The following CWF19L2 variants were observed in gnomAD, a reference collection of about 807,000 sequenced individuals.
The protein encoded by CWF19L2 is CWF19 like cell cycle control factor 2, also known as CWF19-like protein 2.
A neutral mutation model predicts 111.7 loss-of-function variants in CWF19L2; 98 were observed. The observed-to-expected ratio is 0.88, with a 90% confidence interval of 0.75 to 1.04. The LOEUF (loss-of-function observed/expected upper bound fraction) is 1.04, where lower values mean the gene tolerates loss of function less well. CWF19L2 is among the 50% of genes least tolerant of loss of function. The probability of loss-of-function intolerance (pLI) is 0.00; values close to 1 mark genes in which losing one functional copy is unlikely to be tolerated. For synonymous variants in CWF19L2, 351 were observed against 342.9 expected, an observed-to-expected ratio of 1.02 and a Z score of -0.26; for missense variants, 1,101 against 1,051.4, an observed-to-expected ratio of 1.05 and a Z score of -0.65.
At chr11:107,388,124 G>T (rs879476691) in intron 12 of CWF19L2, among the ~76,000 whole-genome samples, 4 of 152,158 alleles carry the variant, frequency 2.6e-5, no homozygotes, top group Admixed American at 2.6e-4. Flanking sequence ...CACCTATATG[G>T]AAAGACTTTC....
chr11:107,395,338 A>G (rs1860907065), intron 10 of CWF19L2, among the ~76,000 whole-genome samples: 1 of 152,208 alleles, frequency 6.6e-6, no homozygotes, highest in Non-Finnish European at 1.5e-5. Flanking sequence ...TGTAAGTCCA[A>G]TTAAACCTCT....
chr11:107,402,869 G>GTA (rs1491324734), intron 10 of CWF19L2, among the ~76,000 whole-genome samples: 7 of 22,016 alleles, frequency 3.2e-4, no homozygotes, highest in Non-Finnish European at 4.4e-4. Context: ...ACAAACTGTG[G>GTA]TGTGTATATA....
intron 10 of CWF19L2, among the ~76,000 whole-genome samples, chr11:107,409,263 A>C (rs992298171): frequency 1.3e-5 from 2 of 152,088 alleles, no homozygotes; most frequent in African/African-American, 4.8e-5. Context: ...ACTTCAAATA[A>C]CTAGTCAAGT....
rs552692035 is a variant in CWF19L2 at position 107,394,215 on chromosome 11, T to C, written c.1618-1320A>G. 2.0e-5 allele frequency among the ~76,000 whole-genome samples: 3 copies of C among 152,270 alleles called. No homozygotes were observed. In the East Asian group the frequency reaches 5.8e-4, roughly 29 times the overall value. On this transcript the variant is annotated intron_variant, in intron 10 of 17. Coordinates refer to ENST00000282251, the MANE Select transcript of CWF19L2 (RefSeq NM_152434.3). ...ATGGAAGAAAAATAATATATACCTA[T>C]TATTGATCTTACATTCACACACAAT...
intron 11 of CWF19L2, among the ~76,000 whole-genome samples, chr11:107,391,006 T>C (rs913626350): frequency 6.6e-6 from 1 of 152,150 alleles, no homozygotes; most frequent in Non-Finnish European, 1.5e-5. Flanking sequence ...CCCTCAAACA[T>C]CAGACTCCAA....
chr11:107,424,739 G>A (rs769295249), intron 8 of CWF19L2, among the ~76,000 whole-genome samples: 1 of 151,826 alleles, frequency 6.6e-6, no homozygotes, highest in Non-Finnish European at 1.5e-5. Flanking sequence ...GAATTAAATT[G>A]TTTATTAGTA....
chr11:107,437,702 C>A (rs371529876), intron 6 of CWF19L2, among the ~76,000 whole-genome samples: 17 of 152,244 alleles, frequency 1.1e-4, no homozygotes, highest in African/African-American at 4.1e-4. Context: ...CTGTTTCAGT[C>A]TGCTAAAAGA....
rs2135435503 is a variant in CWF19L2 at position 107,457,781 on chromosome 11, A to G, written c.36T>C (p.Phe12=). The G allele has an allele frequency of 2.6e-6, 4 of 1,551,762 alleles. No individual in the cohort carries two copies. Among genetic ancestry groups the G allele is most frequent in the South Asian group, 1.2e-5 (1 of 84,068 alleles). ...GCTCTTCGATACTCTTCGCACTTTC[A>G]AATCTACCACTAGCAGCCGCCATAC... is the stretch of plus-strand genomic sequence containing the variant. ...ATSMAAASGR[F]ESAKSIEERK... Residue 12 remains phenylalanine (F), a synonymous_variant, in exon 1 of 18, where the codon TTT becomes TTC. Transcript: ENST00000282251.
At chr11:107,383,652 T>C (rs1165116095) in intron 12 of CWF19L2, among the ~76,000 whole-genome samples, 1 of 152,162 alleles carries the variant, frequency 6.6e-6, no homozygotes, top group Non-Finnish European at 1.5e-5. Flanking sequence ...AAGAAAGATA[T>C]TCTATTAAAG....
intron 3 of CWF19L2, among the ~76,000 whole-genome samples, chr11:107,452,360 TC>T (rs1861789409): frequency 6.6e-6 from 1 of 152,012 alleles, no homozygotes; most frequent in Non-Finnish European, 1.5e-5. Flanking sequence ...AATTTAAAAT[TC>T]CACTCACGAT....
intron 16 of CWF19L2, among the ~76,000 whole-genome samples, chr11:107,330,495 C>T (rs79704175): frequency 0.012 from 1,889 of 152,014 alleles, 23 homozygotes; most frequent in South Asian, 0.038. Context: ...TAATTTTTTA[C>T]GAGCTGGTGA....
At chr11:107,381,265 C>T (rs1322036135) in intron 12 of CWF19L2, among the ~76,000 whole-genome samples, 1 of 152,040 alleles carries the variant, frequency 6.6e-6, no homozygotes, top group Non-Finnish European at 1.5e-5. Context: ...CCATAAAAAA[C>T]CCAACTAGGA....
At chr11:107,368,597 T>C (rs1031035550) in intron 12 of CWF19L2, among the ~76,000 whole-genome samples, 1 of 137,794 alleles carries the variant, frequency 7.3e-6, no homozygotes, top group African/African-American at 2.9e-5. Flanking sequence ...CAGCTGATGA[T>C]GTGTGAGGTG....
At chr11:107,422,107 A>AAAAAGAGT (rs1225587601) in intron 8 of CWF19L2, among the ~76,000 whole-genome samples, 4 of 152,100 alleles carry the variant, frequency 2.6e-5, no homozygotes, top group African/African-American at 9.7e-5. Context: ...AAGACAGACC[A>AAAAAGAGT]AAAAGAGTGC....
At chr11:107,450,006 G>A (rs1292419571) in intron 3 of CWF19L2, among the ~76,000 whole-genome samples, 1 of 151,478 alleles carries the variant, frequency 6.6e-6, no homozygotes, top group Non-Finnish European at 1.5e-5. Flanking sequence ...ACAGATTAGA[G>A]AGCACAAAAA....
intron 12 of CWF19L2, among the ~76,000 whole-genome samples, chr11:107,370,339 G>A (rs1286810046): frequency 7.3e-6 from 1 of 136,816 alleles, no homozygotes; most frequent in Non-Finnish European, 1.6e-5. Flanking sequence ...ACCCACCAAT[G>A]GAATTCCATA....
chr11:107,388,932 T>G (rs935461421), intron 12 of CWF19L2, among the ~76,000 whole-genome samples: 1 of 152,152 alleles, frequency 6.6e-6, no homozygotes, highest in African/African-American at 2.4e-5. Context: ...ATATAAGATC[T>G]CATGAAACTC....
chr11:107,419,841 T>C (rs903487801), intron 8 of CWF19L2, among the ~76,000 whole-genome samples: 2 of 152,144 alleles, frequency 1.3e-5, no homozygotes, highest in African/African-American at 4.8e-5. Context: ...AGATAACTAT[T>C]TTTAAAATAT....
At chr11:107,359,250 T>C (rs930031152) in intron 12 of CWF19L2, among the ~76,000 whole-genome samples, 1 of 152,206 alleles carries the variant, frequency 6.6e-6, no homozygotes, top group Non-Finnish European at 1.5e-5. Flanking sequence ...GAAGGGGCAG[T>C]GCTTTCTTCT....
Sources: gnomAD v4.1 joint callset for allele counts (sites outside exome capture counted in the v4.1 genomes callset) on GRCh38, gnomAD v4.1.1 for gene constraint, MANE v1.5 for transcripts, NCBI Gene and HGNC (gene_info 2026-07-23, HGNC 2026-07-21) for gene names.